EPSTI1: variants seen among roughly 807,000 people sequenced by gnomAD.
EPSTI1 encodes epithelial-stromal interaction protein 1.
EPSTI1 carries 66 observed loss-of-function variants against 49.9 expected under a neutral mutation model. That is an observed-to-expected ratio of 1.32 (90% confidence interval 1.08 to 1.62). The LOEUF is 1.62. EPSTI1 is among the 40% of genes most tolerant of loss of function. EPSTI1 has a pLI of 0.00. For missense variants in EPSTI1, 394 were observed against 365.5 expected (o/e 1.08, Z -0.64); for synonymous variants, 137 against 130.7 (o/e 1.05, Z -0.33).
At chr13:42,946,394 T>C (rs544617419) in intron 6 of EPSTI1, among the ~76,000 whole-genome samples, 17 of 152,162 alleles carry the variant, frequency 1.1e-4, no homozygotes, top group Non-Finnish European at 1.6e-4. Flanking sequence ...CTTTTCCAAC[T>C]GAGGTTTTTA....
intron 7 of EPSTI1, among the ~76,000 whole-genome samples, chr13:42,918,061 T>G (rs1379101550): frequency 2.6e-5 from 4 of 152,208 alleles, no homozygotes; most frequent in Admixed American, 1.3e-4. Flanking sequence ...GATATCTGAT[T>G]AAGCAGCTTG....
At chr13:42,976,591 A>G (rs1265280073) in intron 1 of EPSTI1, among the ~76,000 whole-genome samples, 1 of 152,194 alleles carries the variant, frequency 6.6e-6, no homozygotes, top group African/African-American at 2.4e-5. Flanking sequence ...TATTATTAAT[A>G]GACTTAGAAT....
intron 6 of EPSTI1, among the ~76,000 whole-genome samples, chr13:42,947,343 G>A (rs1268439119): frequency 1.3e-5 from 2 of 152,086 alleles, no homozygotes; most frequent in African/African-American, 4.8e-5. Context: ...GTATACAGTA[G>A]TGAGGAATAA....
chr13:42,889,104 A>C, intron 10 of EPSTI1: 1 of 895,330 alleles, frequency 1.1e-6, no homozygotes, highest in South Asian at 1.5e-5. Flanking sequence ...GGAAATGCTT[A>C]ACTGCCCCTG....
intron 6 of EPSTI1, among the ~76,000 whole-genome samples, chr13:42,946,215 T>C (rs921269718): frequency 2.6e-5 from 4 of 152,306 alleles, no homozygotes; most frequent in Non-Finnish European, 4.4e-5. Context: ...ATGTGCCCCA[T>C]AGGAACTAAT....
intron 6 of EPSTI1, among the ~76,000 whole-genome samples, chr13:42,930,626 G>C (rs557682364): frequency 6.6e-6 from 1 of 152,262 alleles, no homozygotes; most frequent in African/African-American, 2.4e-5. Context: ...ACACTTTACA[G>C]AATTCTTTCC....
At chr13:42,904,357 C>T (rs1408159) in intron 8 of EPSTI1, among the ~76,000 whole-genome samples, 1 of 152,042 alleles carries the variant, frequency 6.6e-6, no homozygotes, top group Non-Finnish European at 1.5e-5. Context: ...TGGTCATTAT[C>T]TTCACTCAAA....
chr13:42,942,516 C>T (rs928641612), intron 6 of EPSTI1, among the ~76,000 whole-genome samples: 3 of 151,866 alleles, frequency 2.0e-5, no homozygotes, highest in Non-Finnish European at 4.4e-5. Context: ...ATTTTTCTAT[C>T]AATCTCTGGA....
rs1259611984 is a variant in EPSTI1 at position 42,895,064 on chromosome 13, G to A, written c.860C>T (p.Pro287Leu). 4 of 1,613,464 alleles carry A rather than the reference G, an allele frequency of 2.5e-6. No individual in the cohort carries two copies. The highest frequency in any genetic ancestry group is 3.4e-6 in the Non-Finnish European group (4 of 1,179,740). The change falls in exon 10 of 11, where the codon CCA becomes CTA. Residue 287 changes from proline to leucine, a missense_variant. Physicochemically the swap from Pro to Leu is moderately conservative, Grantham distance 98. Coordinates refer to ENST00000313624, the MANE Select transcript of EPSTI1 (RefSeq NM_033255.5). ...FLDRLQGKSQ[P>L]GGLEQSGGCW... Reference sequence around the variant, plus strand: ...GCCTCCAGATTGCTCGAGGCCACCTGGTTGACTTTTGCCTTGGAGTCGGTC... The same window carrying A: ...GCCTCCAGATTGCTCGAGGCCACCTAGTTGACTTTTGCCTTGGAGTCGGTC...
At chr13:42,956,664 G>A (rs954950821) in intron 5 of EPSTI1, among the ~76,000 whole-genome samples, 1 of 152,196 alleles carries the variant, frequency 6.6e-6, no homozygotes, top group African/African-American at 2.4e-5. Context: ...CGCCTGGATG[G>A]AGAATTGGTC....
intron 1 of EPSTI1, among the ~76,000 whole-genome samples, chr13:42,976,431 T>C (rs188146964): frequency 2.4e-4 from 36 of 152,340 alleles, no homozygotes; most frequent in Admixed American, 1.9e-3. Context: ...AACGTAAGTG[T>C]ACCTGAGGCC....
intron 8 of EPSTI1, among the ~76,000 whole-genome samples, chr13:42,904,793 C>A (rs1422806473): frequency 6.6e-6 from 1 of 152,050 alleles, no homozygotes; most frequent in Non-Finnish European, 1.5e-5. Context: ...TCTTAGGACG[C>A]TTCTATATAA....
At chr13:42,921,262 C>T (rs1428896371) in intron 7 of EPSTI1, among the ~76,000 whole-genome samples, 2 of 152,008 alleles carry the variant, frequency 1.3e-5, no homozygotes, top group East Asian at 3.9e-4. Context: ...CAGAGAAAAT[C>T]CTTCATATAA....
chr13:42,915,921 T>C (rs2037817296), intron 8 of EPSTI1, among the ~76,000 whole-genome samples: 1 of 152,108 alleles, frequency 6.6e-6, no homozygotes, highest in Admixed American at 6.6e-5. Context: ...AAGCATTCTG[T>C]TTGTCAAATG....
At chr13:42,986,896 G>C (rs1290878559) in intron 1 of EPSTI1, among the ~76,000 whole-genome samples, 1 of 151,952 alleles carries the variant, frequency 6.6e-6, no homozygotes, top group Non-Finnish European at 1.5e-5. Flanking sequence ...TGAACTATAA[G>C]GTTTGGGGGT....
chr13:42,889,070 T>C (rs1444976868), intron 10 of EPSTI1: 2 of 711,748 alleles, frequency 2.8e-6, no homozygotes, highest in African/African-American at 3.7e-5. Context: ...GAAATTAAAA[T>C]CTCAGGTTGC....
chr13:42,911,275 GCGCGCAC>G (rs1428412434), intron 8 of EPSTI1, among the ~76,000 whole-genome samples: 1 of 136,994 alleles, frequency 7.3e-6, no homozygotes, highest in East Asian at 2.2e-4. Context: ...GCGCGCGCAC[GCGCGCAC>G]ACGTGTGTGA....
chr13:42,935,867 G>A (rs2038544782), intron 6 of EPSTI1, among the ~76,000 whole-genome samples: 1 of 152,026 alleles, frequency 6.6e-6, no homozygotes, highest in Non-Finnish European at 1.5e-5. Flanking sequence ...GCTGGGATTA[G>A]AGGTGTGAGC....
At chr13:42,950,331 T>C (rs2039056745) in intron 6 of EPSTI1, among the ~76,000 whole-genome samples, 1 of 152,260 alleles carries the variant, frequency 6.6e-6, no homozygotes, top group Non-Finnish European at 1.5e-5. Flanking sequence ...CATCTGCATG[T>C]GCAATCTGCT....
Sources: allele counts gnomAD v4.1 joint callset (sites outside exome capture counted in the v4.1 genomes callset), GRCh38; gene constraint gnomAD v4.1.1; transcripts MANE v1.5; gene names NCBI Gene and HGNC (gene_info 2026-07-23, HGNC 2026-07-21).